Variants in GRIK4 observed in about 807,000 individuals in gnomAD.
GRIK4 encodes glutamate receptor ionotropic, kainate 4.
A neutral mutation model predicts 104.9 loss-of-function variants in GRIK4; 40 were observed. The observed-to-expected ratio is 0.38, with a 90% CI of 0.30 to 0.50. The LOEUF (loss-of-function observed/expected upper bound fraction) is 0.50, where lower values mean the gene tolerates loss of function less well. Ranked by LOEUF, GRIK4 falls within the 20% of genes least tolerant of loss-of-function variation. The pLI, the probability that GRIK4 is intolerant of heterozygous loss-of-function variation, is 0.93. For missense variants in GRIK4, 1,047 were observed against 1,308.1 expected (o/e 0.80, Z 3.08); for synonymous variants, 485 against 524.9 (o/e 0.92, Z 1.04).
chr11:120,825,189 G>A (rs1026580178), intron 6 of GRIK4, among the ~76,000 whole-genome samples: 3 of 152,130 alleles, frequency 2.0e-5, no homozygotes, highest in Non-Finnish European at 4.4e-5. Context: ...GCCTCCCAAA[G>A]TGCTGGGGTT....
chr11:120,646,378 G>C (rs1949542533), intron 1 of GRIK4, among the ~76,000 whole-genome samples: 2 of 152,232 alleles, frequency 1.3e-5, no homozygotes, highest in South Asian at 4.1e-4. Context: ...GCGGCACCCA[G>C]GCTCTGGGAG....
At chr11:120,936,381 T>C in intron 13 of GRIK4, 1 of 403,506 alleles carries the variant, frequency 2.5e-6, no homozygotes, top group Non-Finnish European at 4.8e-6. Context: ...CTTGGGTGCA[T>C]TAGGATCTTT....
Position 120,941,794 on chromosome 11 carries a change from G to A in GRIK4, c.1590+1334G>A, listed in dbSNP as rs1943732512. ...GGAGACAAGGAAGGATCCTCCTAGAGTCTGCAGAGAGAGCCTGGCCCCACC... is the reference window on the plus strand; with the variant it reads ...GGAGACAAGGAAGGATCCTCCTAGAATCTGCAGAGAGAGCCTGGCCCCACC... On this transcript the variant is annotated intron_variant, in intron 14 of 20. Coordinates refer to ENST00000527524, the MANE Select transcript of GRIK4 (RefSeq NM_014619.5). 2.0e-5 allele frequency among the ~76,000 whole-genome samples: 3 copies of A among 152,130 alleles called. No homozygotes were observed. The South Asian group carries it at 6.2e-4, about 32-fold the overall frequency.
chr11:120,558,453 T>C (rs1948208135), intron 1 of GRIK4, among the ~76,000 whole-genome samples: 1 of 152,140 alleles, frequency 6.6e-6, no homozygotes, highest in Non-Finnish European at 1.5e-5. Context: ...CTGGGTGTGG[T>C]GGTGTGCGCC....
intron 6 of GRIK4, among the ~76,000 whole-genome samples, chr11:120,823,595 AC>A (rs1427832368): frequency 1.3e-5 from 2 of 151,346 alleles, no homozygotes; most frequent in East Asian, 3.9e-4. Flanking sequence ...CCTCTCCATG[AC>A]CCCCTTCCAC....
Position 120,905,217 on chromosome 11 carries a change from T to TC in GRIK4, c.1273-73_1273-72insC. ...TGTCCTCCCCGACCCTCTGTGCCCC[T>TC]GGCCCTCCCCATCACACGCGGGTGA... On this transcript the variant is annotated intron_variant, in intron 12 of 20. Transcript: ENST00000527524. The surrounding 1 kb of genome is among the most constrained non-coding windows in gnomAD (Gnocchi z 5.1). 4 of 1,103,596 alleles carry TC rather than the reference T, an allele frequency of 3.6e-6. No individual in the cohort carries two copies. Among genetic ancestry groups the TC allele is most frequent in the Non-Finnish European group, 5.6e-6 (4 of 719,402 alleles). The allele number at this position is 1,103,596 out of a possible 1,614,324, so 68.4% of individuals were successfully genotyped here.
At chr11:120,534,417 C>T (rs2136083231) in intron 1 of GRIK4, among the ~76,000 whole-genome samples, 1 of 152,090 alleles carries the variant, frequency 6.6e-6, no homozygotes, top group African/African-American at 2.4e-5. Context: ...GAAATTAGGG[C>T]AAGTAGGGGG....
intron 3 of GRIK4, among the ~76,000 whole-genome samples, chr11:120,784,344 TAAC>T (rs2135479575): frequency 6.6e-6 from 1 of 152,326 alleles, no homozygotes; most frequent in Admixed American, 6.5e-5. Flanking sequence ...AAGAGACAGA[TAAC>T]TCCAAGGTGG....
At chr11:120,830,943 G>T (rs920075991) in intron 6 of GRIK4, among the ~76,000 whole-genome samples, 1 of 149,258 alleles carries the variant, frequency 6.7e-6, no homozygotes, top group Non-Finnish European at 1.5e-5. Flanking sequence ...CAAAGACAAG[G>T]CAGAATTAAG....
chr11:120,670,121 C>A (rs1380200760), intron 3 of GRIK4, among the ~76,000 whole-genome samples: 3 of 152,224 alleles, frequency 2.0e-5, no homozygotes, highest in Non-Finnish European at 2.9e-5. Flanking sequence ...TATCAACAGT[C>A]CTGTTGGCTC....
intron 3 of GRIK4, among the ~76,000 whole-genome samples, chr11:120,691,154 T>C (rs899514558): frequency 6.6e-6 from 1 of 152,224 alleles, no homozygotes; most frequent in African/African-American, 2.4e-5. Flanking sequence ...TGTTGCATGT[T>C]TCTCATTTTA....
At chr11:120,634,260 A>G (rs1450373513) in intron 1 of GRIK4, among the ~76,000 whole-genome samples, 4 of 152,128 alleles carry the variant, frequency 2.6e-5, no homozygotes, top group Non-Finnish European at 1.5e-5. Context: ...TAGCCTTGTT[A>G]GAGTGTTAGT....
chr11:120,868,630 G>A (rs973324782), intron 9 of GRIK4: 1 of 151,800 alleles, frequency 6.6e-6, no homozygotes, highest in African/African-American at 2.4e-5. Flanking sequence ...CGCCCAGGCT[G>A]GAGTGCAGTG....
At chr11:120,655,687 G>A (rs532583966) in intron 2 of GRIK4, among the ~76,000 whole-genome samples, 53 of 152,272 alleles carry the variant, frequency 3.5e-4, no homozygotes, top group African/African-American at 1.1e-3. Context: ...GGAGAGAAAG[G>A]TGTGGTATTT....
At chr11:120,731,584 A>G (rs1373470357) in intron 3 of GRIK4, among the ~76,000 whole-genome samples, 1 of 152,170 alleles carries the variant, frequency 6.6e-6, no homozygotes, top group Non-Finnish European at 1.5e-5. Flanking sequence ...GCCAAATAGA[A>G]TGAGTTTGGA....
At chr11:120,558,036 A>T (rs913037003) in intron 1 of GRIK4, among the ~76,000 whole-genome samples, 11 of 151,596 alleles carry the variant, frequency 7.3e-5, no homozygotes, top group Admixed American at 5.2e-4. Context: ...AAAAAAAAAA[A>T]AAAAAAGAAG....
intron 1 of GRIK4, among the ~76,000 whole-genome samples, chr11:120,597,632 TG>T (rs1474473100): frequency 6.6e-6 from 1 of 152,230 alleles, no homozygotes; most frequent in Non-Finnish European, 1.5e-5. Flanking sequence ...CCAGAGTGTT[TG>T]CATTCAGGGA....
chr11:120,861,915 C>T (rs1210689797), intron 8 of GRIK4, 44 bp from the exon 9 acceptor site: 2 of 1,486,146 alleles, frequency 1.3e-6, no homozygotes, highest in Non-Finnish European at 9.4e-7. Flanking sequence ...CTCACTTCAC[C>T]CCTTCCTAAC....
At chr11:120,633,224 A>G (rs1203086444) in intron 1 of GRIK4, among the ~76,000 whole-genome samples, 1 of 152,130 alleles carries the variant, frequency 6.6e-6, no homozygotes, top group Non-Finnish European at 1.5e-5. Context: ...ATGGCAAGGT[A>G]ATTATCATTT....
Sources: allele counts gnomAD v4.1 joint callset (sites outside exome capture counted in the v4.1 genomes callset), GRCh38; gene constraint gnomAD v4.1.1; non-coding constraint Gnocchi (gnomAD v3.1); transcripts MANE v1.5; gene names NCBI Gene and HGNC (gene_info 2026-07-23, HGNC 2026-07-21).